Variants in LDB3 observed in about 807,000 individuals in gnomAD.
The protein encoded by LDB3 is LIM domain-binding protein 3.
A neutral mutation model predicts 69.0 loss-of-function variants in LDB3; 49 were observed. The ratio of observed to expected loss-of-function variants is 0.71; its 90% confidence interval spans 0.56 to 0.90. The LOEUF (loss-of-function observed/expected upper bound fraction) is 0.90, where lower values mean the gene tolerates loss of function less well. Ranked by LOEUF, LDB3 falls within the 40% of genes least tolerant of loss-of-function variation. LDB3 has a pLI of 0.00. For synonymous variants in LDB3, 387 were observed against 396.2 expected (o/e 0.98, Z 0.28); for missense variants, 928 against 974.1 (o/e 0.95, Z 0.63).
intron 2 of LDB3, among the ~76,000 whole-genome samples, chr10:86,674,355 C>G (rs1334430476): frequency 6.6e-6 from 1 of 152,204 alleles, no homozygotes; most frequent in Non-Finnish European, 1.5e-5. Flanking sequence ...CACCTGTGCT[C>G]CTCCTTTGCT....
chr10:86,681,802 G>A lies in LDB3; in HGVS notation c.688G>A (p.Gly230Arg), dbSNP rs1454773645. 1.3e-6 allele frequency: 2 copies of A among 1,592,650 alleles called. No homozygotes were observed. The highest frequency in any genetic ancestry group is 1.3e-5 in the African/African-American group (1 of 74,170). The change falls in exon 5 of 14, where the codon GGG becomes AGG. Residue 230 changes from glycine (G) to arginine (R), a missense_variant and splice_region_variant. By Grantham distance (125) the Gly-to-Arg change is moderately radical (BLOSUM62 -2). Transcript: ENST00000361373. ...GGCCTCGGGTGTCGGACTCCCAGGA[G>A]GGTAGGTAACGGACATACAGCTCTC... The part of the protein sequence containing the change: ...GKASGVGLPG[G>R]SLPIKDLAVD...
At chr10:86,668,180 C>A (rs1047460324), upstream of LDB3, among the ~76,000 whole-genome samples, 2 of 152,222 alleles carry the variant, frequency 1.3e-5, no homozygotes, top group Non-Finnish European at 2.9e-5. Context: ...AGGGACCACA[C>A]GGCAGCAAAG....
rs1847584914 is a variant in LDB3 at position 86,735,081 on chromosome 10, ACACACACAC to A, written c.*2106_*2114del. On this transcript the variant is annotated 3_prime_UTR_variant, in exon 14 of 14. Coordinates refer to ENST00000361373, the MANE Select transcript of LDB3 (RefSeq NM_007078.3). ...CACACACACACACACACACACACACACACACACACACACACACACGATCATTAAAAAGTG... is the reference window on the plus strand; with the variant it reads ...CACACACACACACACACACACACACAACACACACACGATCATTAAAAAGTG... 6.6e-6 allele frequency: 1 copy of A among 151,140 alleles called. No individual in the cohort carries two copies. Among genetic ancestry groups the A allele is most frequent in the African/African-American group, 2.4e-5 (1 of 41,012 alleles). The allele number at this position is 151,140 out of a possible 1,614,324, so 9.4% of individuals were successfully genotyped here.
chr10:86,730,138 G>A (rs1010481598), intron 13 of LDB3, among the ~76,000 whole-genome samples: 7 of 152,134 alleles, frequency 4.6e-5, no homozygotes, highest in South Asian at 4.1e-4. Context: ...TAGGTATAAC[G>A]TCCCCAACTG....
chr10:86,688,449 G>A (rs12415298), intron 5 of LDB3, among the ~76,000 whole-genome samples: 2,014 of 152,276 alleles, frequency 0.013, 124 homozygotes, highest in Admixed American at 0.11. Flanking sequence ...TGGAACTGAG[G>A]AGCCTGGGGC....
At chr10:86,690,413 C>G (rs1845700742) in intron 5 of LDB3, among the ~76,000 whole-genome samples, 1 of 152,252 alleles carries the variant, frequency 6.6e-6, no homozygotes, top group Non-Finnish European at 1.5e-5. Flanking sequence ...GCAGGCTCCT[C>G]CCTGGCCGGA....
intron 7 of LDB3, among the ~76,000 whole-genome samples, chr10:86,695,270 T>C (rs1845948111): frequency 6.6e-6 from 1 of 152,208 alleles, no homozygotes; most frequent in African/African-American, 2.4e-5. Context: ...CAAGAAGACT[T>C]TGCAAACTTT....
intron 9 of LDB3, among the ~76,000 whole-genome samples, chr10:86,710,740 C>G (rs1284853236): frequency 6.6e-6 from 1 of 152,246 alleles, no homozygotes; most frequent in African/African-American, 2.4e-5. Flanking sequence ...GAGACAGGCA[C>G]TGAGTCAGGG....
Position 86,716,581 on chromosome 10 carries a change from T to G in LDB3, c.1486T>G (p.Phe496Val), listed in dbSNP as rs141652573. ...TCCACCCTGGGTGACAGATGATAGC[T>G]TCTCCCAGAAGTTTGCCCCGGGCAA... ...SRPPWVTDDS[F>V]SQKFAPGKST... The change falls in exon 10 of 14, where the codon TTC (phenylalanine) becomes GTC (valine). Residue 496 changes from phenylalanine (F) to valine (V), a missense_variant. Coordinates refer to ENST00000361373, the MANE Select transcript of LDB3 (RefSeq NM_007078.3). The G allele has an allele frequency of 6.8e-6, 11 of 1,613,400 alleles. No homozygotes were observed. Among genetic ancestry groups the G allele is most frequent in the Non-Finnish European group, 6.8e-6 (8 of 1,179,908 alleles).
rs1364153970 is a variant in LDB3 at position 86,733,776 on chromosome 10, T to G, written c.*800T>G. On this transcript the variant is annotated 3_prime_UTR_variant, in exon 14 of 14. Coordinates refer to ENST00000361373, the MANE Select transcript of LDB3 (RefSeq NM_007078.3). ...GTTGGGTTTTTCCAGTTTTGCTCTG[T>G]GGTGTGTGAGAGATTTTTTTAAAGG... 5 of 152,276 alleles carry G rather than the reference T, an allele frequency of 3.3e-5. No individual in the cohort carries two copies. The highest frequency in any genetic ancestry group is 2.6e-4 in the Admixed American group (4 of 15,286). The allele number at this position is 152,276 out of a possible 1,614,324, so 9.4% of individuals were successfully genotyped here.
At chr10:86,680,265 G>A in intron 4 of LDB3, 108 bp downstream of exon 4, 2 of 966,652 alleles carry the variant, frequency 2.1e-6, no homozygotes, top group South Asian at 1.4e-5. Flanking sequence ...GAGGCCGTGG[G>A]ATCAGCCCTG....
chr10:86,713,497 A>G (rs12263789), intron 9 of LDB3, among the ~76,000 whole-genome samples: 36,147 of 152,096 alleles, frequency 0.24, 4,773 homozygotes, highest in East Asian at 0.6. Flanking sequence ...CACCGGCCTC[A>G]GTCTTCCAAA....
chr10:86,688,278 C>G (rs571439224), intron 5 of LDB3, among the ~76,000 whole-genome samples: 1 of 151,996 alleles, frequency 6.6e-6, no homozygotes, highest in African/African-American at 2.4e-5. Flanking sequence ...CCAGAAAAAC[C>G]GATGTAATAA....
At chr10:86,688,261 TC>T (rs1452635692) in intron 5 of LDB3, among the ~76,000 whole-genome samples, 4 of 152,138 alleles carry the variant, frequency 2.6e-5, no homozygotes, top group African/African-American at 9.7e-5. Context: ...GATGCTTTTT[TC>T]CAAAGCCAGA....
rs45563234 is a variant in LDB3, at chr10:86,681,813, G to A, written c.689+10G>A. ...TCGGACTCCCAGGAGGGTAGGTAAC[G>A]GACATACAGCTCTCCACAGGTGGCC... On this transcript the variant is annotated intron_variant, in intron 5 of 13. Coordinates refer to ENST00000361373, the MANE Select transcript of LDB3 (RefSeq NM_007078.3). The A allele has an allele frequency of 1.8e-3, 2,925 of 1,586,166 alleles. 6 individuals are homozygous for A. The highest frequency in any genetic ancestry group is 3.3e-3 in the South Asian group (286 of 85,688).
chr10:86,718,603 C>A (rs1390492985), intron 11 of LDB3, 124 bp from the exon 12 acceptor site: 1 of 1,333,976 alleles, frequency 7.5e-7, no homozygotes, highest in Non-Finnish European at 1.1e-6. Context: ...TGACCAAGGC[C>A]TGCATCCTGA....
chr10:86,682,510 G>T (rs539695166), intron 5 of LDB3, among the ~76,000 whole-genome samples: 11 of 152,178 alleles, frequency 7.2e-5, no homozygotes, highest in African/African-American at 1.4e-4. Flanking sequence ...GGCACTGTAG[G>T]GGGGAGGCAA....
intron 9 of LDB3, 66 bp from the exon 10 acceptor site, chr10:86,716,261 G>T (rs1846864546): frequency 2.5e-6 from 4 of 1,576,016 alleles, no homozygotes; most frequent in Non-Finnish European, 2.6e-6. Flanking sequence ...CTGGCTAGGA[G>T]TGAGGGGAAC....
chr10:86,670,806 G>A lies in LDB3; in HGVS notation c.93+2022G>A, dbSNP rs114756775. Among the ~76,000 whole-genome samples, 1,048 of 152,340 alleles carry A rather than the reference G, an allele frequency of 6.9e-3. 12 individuals carry two copies. Among genetic ancestry groups the A allele is most frequent in the African/African-American group, 0.024 (978 of 41,578 alleles). The stretch of plus-strand genomic sequence containing the variant: ...GGGCATACCCCAAATCACCTAAGCC[G>A]CGGAGCAGGCTGGACTGGGTACTGG... On this transcript the variant is annotated intron_variant, in intron 2 of 13. Transcript: ENST00000361373.
Sources: gnomAD v4.1 joint callset for allele counts (sites outside exome capture counted in the v4.1 genomes callset) on GRCh38, gnomAD v4.1.1 for gene constraint, MANE v1.5 for transcripts, NCBI Gene and HGNC (gene_info 2026-07-23, HGNC 2026-07-21) for gene names.